Variants in PPP1R9B observed in about 807,000 individuals in gnomAD.
The protein encoded by PPP1R9B is protein phosphatase 1 regulatory subunit 9B, also known as neurabin-2.
Under a neutral mutation model 75.8 loss-of-function variants are expected in PPP1R9B, and 17 were observed. The observed-to-expected ratio is 0.22, with a 90% CI of 0.15 to 0.34. PPP1R9B has a LOEUF of 0.34. PPP1R9B is among the 10% of genes least tolerant of loss of function. The pLI is 1.00. For missense variants in PPP1R9B, 875 were observed against 1,196.0 expected, an observed-to-expected ratio of 0.73 and a Z score of 3.96; for synonymous variants, 509 against 535.4, an observed-to-expected ratio of 0.95 and a Z score of 0.68.
At position 50,135,555 on chromosome 17, in the gene PPP1R9B, T is replaced by A; in HGVS notation, c.2398A>T (p.Lys800Ter). Residue 800 changes from lysine to a stop codon, truncating the protein, a stop_gained and splice_region_variant, in exon 9 of 10, where the codon AAG becomes TAG. Coordinates refer to ENST00000612501, the MANE Select transcript of PPP1R9B (RefSeq NM_032595.5). LOFTEE classifies it high-confidence loss of function. ...RKEEMDKLLDKISELEGNLQT... is the reference protein window; with the variant it reads ...RKEEMDKLLD ...CCCACAGGGCGCCCCAGGCCCACCT[T>A]GTCCAGGAGCTTGTCCATCTCCTCC... 6.2e-7 allele frequency: 1 copy of A among 1,610,394 alleles called. No homozygotes were observed. Among genetic ancestry groups the A allele is most frequent in the Non-Finnish European group, 8.5e-7 (1 of 1,178,102 alleles).
Position 50,142,569 on chromosome 17 carries a change from A to G in PPP1R9B, c.1625+1029T>C, listed in dbSNP as rs531255878. Among the ~76,000 whole-genome samples the G allele has an allele frequency of 6.6e-6, 1 of 152,212 alleles. No homozygotes were observed. Among genetic ancestry groups the G allele is most frequent in the Non-Finnish European group, 1.5e-5 (1 of 67,986 alleles). On this transcript the variant is annotated intron_variant, in intron 3 of 9. Transcript: ENST00000612501. This position sits in a 1 kb window ranked among gnomAD's most constrained non-coding sequence, Gnocchi z 4.1. The stretch of plus-strand genomic sequence containing the variant: ...GAAACAAGATCCCAAAGTCACCCAG[A>G]TCCCAAAGGACACCTGCTCACCTCT...
Position 50,143,713 on chromosome 17 carries a change from C to T in PPP1R9B, c.1510G>A (p.Glu504Lys), listed in dbSNP as rs1219408043. 6.2e-7 allele frequency: 1 copy of T among 1,613,710 alleles called. No individual in the cohort carries two copies. Among genetic ancestry groups the T allele is most frequent in the Non-Finnish European group, 8.5e-7 (1 of 1,179,884 alleles). The change falls in exon 3 of 10, where the codon GAG becomes AAG. Residue 504 changes from glutamate to lysine, a missense_variant. Physicochemically the swap from Glu to Lys is moderately conservative, Grantham distance 56 (BLOSUM62 1). Coordinates refer to ENST00000612501, the MANE Select transcript of PPP1R9B (RefSeq NM_032595.5). ...LFPVELEKDS[E>K]GLGISIIGMG... ...CCGATGATGCTGATGCCCAGGCCCT[C>T]GGAGTCTGTGGAACAGAGAGTGGTG... is the stretch of plus-strand genomic sequence containing the variant.
chr17:50,135,271 C>G lies in PPP1R9B; in HGVS notation c.*60G>C. ...AGGGGGAGGGGTGGGGTGTTGAGGA[C>G]AGGGGAGGGAGGACAATGGGAGGGG... On this transcript the variant is annotated 3_prime_UTR_variant, in exon 10 of 10. Coordinates refer to ENST00000612501, the MANE Select transcript of PPP1R9B (RefSeq NM_032595.5). 7.0e-7 allele frequency: 1 copy of G among 1,428,010 alleles called. No individual in the cohort carries two copies. Among genetic ancestry groups the G allele is most frequent in the Non-Finnish European group, 9.7e-7 (1 of 1,027,186 alleles). The allele number at this position is 1,428,010 out of a possible 1,614,324, so 88.5% of individuals were successfully genotyped here.
Position 50,142,718 on chromosome 17 carries a change from G to C in PPP1R9B, c.1625+880C>G, listed in dbSNP as rs374895947. On this transcript the variant is annotated intron_variant, in intron 3 of 9. Transcript: ENST00000612501. The surrounding 1 kb of genome is among the most constrained non-coding windows in gnomAD (Gnocchi z 4.1). ...CCTACTGCCACTCCCCACACCCCTG[G>C]AATACACAGCTAACACAGGGGTCCC... Among the ~76,000 whole-genome samples, 1 of 152,098 alleles carries C rather than the reference G, an allele frequency of 6.6e-6. No homozygotes were observed.
intron 2 of PPP1R9B, 81 bp from the exon 3 acceptor site, chr17:50,143,799 C>T (rs1411320685): frequency 1.3e-6 from 2 of 1,570,592 alleles, no homozygotes; most frequent in Middle Eastern, 1.7e-4. Flanking sequence ...CAGGGCACAG[C>T]CCCCCCATCA....
intron 3 of PPP1R9B, among the ~76,000 whole-genome samples, chr17:50,143,119 A>G (rs1912427948): frequency 6.6e-6 from 1 of 151,704 alleles, no homozygotes; most frequent in Non-Finnish European, 1.5e-5. Flanking sequence ...CCATTTCACT[A>G]CCTTTTGTGT....
chr17:50,141,560 G>A (rs1485124562), intron 3 of PPP1R9B, among the ~76,000 whole-genome samples, 187 bp from the exon 4 acceptor site: 2 of 151,868 alleles, frequency 1.3e-5, no homozygotes, highest in Non-Finnish European at 2.9e-5. Flanking sequence ...TTACTTGGGA[G>A]GATGAAGTGG....
intron 4 of PPP1R9B, 102 bp from the exon 5 acceptor site, chr17:50,140,330 G>T: frequency 7.1e-7 from 1 of 1,410,328 alleles, no homozygotes; most frequent in South Asian, 1.4e-5. Context: ...CCTCCCAGGG[G>T]AGGAGAGATG....
chr17:50,147,959 G>A (rs559954994), intron 1 of PPP1R9B, among the ~76,000 whole-genome samples: 2 of 152,328 alleles, frequency 1.3e-5, no homozygotes, highest in East Asian at 3.9e-4. Context: ...CTTTGGCTAG[G>A]GAAGGGTAAA....
At chr17:50,136,808 TC>T (rs1912244705) in intron 7 of PPP1R9B, among the ~76,000 whole-genome samples, 1 of 152,130 alleles carries the variant, frequency 6.6e-6, no homozygotes, top group Non-Finnish European at 1.5e-5. Context: ...CTCTGTGCAC[TC>T]TGAGCTGCAA....
rs1030727143 is a variant in PPP1R9B, at chr17:50,134,220, C to G, written c.*1111G>C. The G allele has an allele frequency of 6.6e-6, 1 of 152,626 alleles. No individual in the cohort carries two copies. Among genetic ancestry groups the G allele is most frequent in the Non-Finnish European group, 1.5e-5 (1 of 68,038 alleles). 9.5% of individuals were successfully genotyped at this position (152,626 alleles called of 1,614,324 possible). On this transcript the variant is annotated 3_prime_UTR_variant, in exon 10 of 10. Transcript: ENST00000612501. ...CCAATTTGGGGTTAAAGTGGGGAAACAGAGTCGATTTCACTTAGAAGGCAG... is the reference window on the plus strand; with the variant it reads ...CCAATTTGGGGTTAAAGTGGGGAAAGAGAGTCGATTTCACTTAGAAGGCAG...
chr17:50,141,461 C>T, intron 3 of PPP1R9B, 88 bp from the exon 4 acceptor site: 1 of 808,018 alleles, frequency 1.2e-6, no homozygotes, highest in Non-Finnish European at 2.0e-6. Flanking sequence ...CTCCAGGCTC[C>T]CCAGCCTGAG....
In PPP1R9B at chr17:50,149,395, G is replaced by A; in HGVS notation, c.1119C>T (p.Asp373=). The part of the protein sequence containing the change: ...ERGVGNGRAP[D]VAPEEVDESK... ...ATTCATCTACCTCCTCAGGGGCCAC[G>A]TCCGGGGCCCGGCCATTGCCCACCC... The change falls in exon 1 of 10, where the codon GAC becomes GAT. Residue 373 remains aspartate, a synonymous_variant. Transcript: ENST00000612501. This position sits in a 1 kb window ranked among gnomAD's most constrained non-coding sequence, Gnocchi z 7.2. The A allele has an allele frequency of 1.2e-6, 2 of 1,612,192 alleles. No individual in the cohort carries two copies. The highest frequency in any genetic ancestry group is 1.7e-6 in the Non-Finnish European group (2 of 1,179,498).
At chr17:50,135,489 C>T in intron 9 of PPP1R9B, 64 bp downstream of exon 9, 1 of 1,581,808 alleles carries the variant, frequency 6.3e-7, no homozygotes, top group Non-Finnish European at 8.7e-7. Flanking sequence ...CCAGGACCCA[C>T]AGGGTAGGGG....
chr17:50,141,403 C>T, intron 3 of PPP1R9B, 30 bp from the exon 4 acceptor site: 2 of 1,492,110 alleles, frequency 1.3e-6, no homozygotes, highest in Non-Finnish European at 1.8e-6. Context: ...TAAGGGGTCA[C>T]AGGGGAACCG....
chr17:50,140,061 A>ACC, intron 5 of PPP1R9B, 32 bp downstream of exon 5: 1 of 1,609,152 alleles, frequency 6.2e-7, no homozygotes, highest in East Asian at 2.2e-5. Flanking sequence ...CCAGGGGGCG[A>ACC]CCACGCGGCC....
chr17:50,139,558 C>G lies in PPP1R9B; in HGVS notation c.1890G>C (p.Glu630Asp). The G allele has an allele frequency of 6.3e-7, 1 of 1,575,030 alleles. No individual in the cohort carries two copies. The highest frequency in any genetic ancestry group is 1.2e-5 in the South Asian group (1 of 84,466). Residue 630 changes from glutamate (E) to aspartate (D), a missense_variant, in exon 6 of 10, where the codon GAG (glutamate) becomes GAC (aspartate). Physicochemically the swap from Glu to Asp is conservative, Grantham distance 45. Around this residue, in one of 4 missense-constraint regions of PPP1R9B, gnomAD observed 218 missense variants for 334.6 expected, o/e 0.65. Coordinates refer to ENST00000612501, the MANE Select transcript of PPP1R9B (RefSeq NM_032595.5). This position sits in a 1 kb window ranked among gnomAD's most constrained non-coding sequence, Gnocchi z 5.0. ...GGAACGTGGGGCTCAGCTCCTCATCCTCGTCAGTGGCATACTCTCCCGTCT... is the reference window on the plus strand; with the variant it reads ...GGAACGTGGGGCTCAGCTCCTCATCGTCGTCAGTGGCATACTCTCCCGTCT... ...DEETGEYATD[E>D]DEELSPTFPG... is the part of the protein sequence containing the mutation.
Position 50,150,284 on chromosome 17 carries a change from C to T in PPP1R9B, c.230G>A (p.Gly77Asp). The change falls in exon 1 of 10, where the codon GGC (glycine) becomes GAC (aspartate). Residue 77 changes from glycine to aspartate, a missense_variant. Gly to Asp is a moderately conservative substitution (Grantham distance 94). Coordinates refer to ENST00000612501, the MANE Select transcript of PPP1R9B (RefSeq NM_032595.5). This position sits in a 1 kb window ranked among gnomAD's most constrained non-coding sequence, Gnocchi z 8.7. ...CCGTGGGGCCTCGGCCAGGCCCGCG[C>T]CGCCGCCCGCCTCGCCCGAGGGCCC... ...TAGPSGEAGG[G>D]AGLAEAPRAS... The T allele has an allele frequency of 7.0e-7, 1 of 1,419,284 alleles. No homozygotes were observed. Among genetic ancestry groups the T allele is most frequent in the Non-Finnish European group, 9.2e-7 (1 of 1,084,178 alleles). The allele number at this position is 1,419,284 out of a possible 1,614,324, so 87.9% of individuals were successfully genotyped here.
At position 50,135,298 on chromosome 17, in the gene PPP1R9B, G is replaced by A. The variant is rs752172772; in HGVS notation, c.*33C>T. On this transcript the variant is annotated 3_prime_UTR_variant, in exon 10 of 10. Coordinates refer to ENST00000612501, the MANE Select transcript of PPP1R9B (RefSeq NM_032595.5). ...GGGGAGGGAGGACAATGGGAGGGGG[G>A]TTAATTATTGTCCAGTCATGGAATG... 1.3e-6 allele frequency: 2 copies of A among 1,573,864 alleles called. No homozygotes were observed. Among genetic ancestry groups the A allele is most frequent in the Admixed American group, 1.7e-5 (1 of 59,936 alleles).
Sources: allele counts gnomAD v4.1 joint callset (sites outside exome capture counted in the v4.1 genomes callset), GRCh38; gene constraint gnomAD v4.1.1; regional missense constraint gnomAD v4.1.1; non-coding constraint Gnocchi (gnomAD v3.1); transcripts MANE v1.5; gene names NCBI Gene and HGNC (gene_info 2026-07-23, HGNC 2026-07-21).